RMDN1: variants seen among roughly 807,000 people sequenced by gnomAD.
The protein encoded by RMDN1 is regulator of microtubule dynamics 1, also known as regulator of microtubule dynamics protein 1.
A neutral mutation model predicts 48.9 loss-of-function variants in RMDN1; 48 were observed. The observed-to-expected ratio is 0.98, with a 90% confidence interval of 0.78 to 1.25. RMDN1 has a LOEUF of 1.25. Among genes scored for constraint, RMDN1 ranks in the 50% most tolerant of loss-of-function variants. The probability of loss-of-function intolerance (pLI) is 0.00; values close to 1 mark genes in which losing one functional copy is unlikely to be tolerated. For synonymous variants in RMDN1, 148 were observed against 132.6 expected (o/e 1.12, Z -0.80); for missense variants, 418 against 373.4 (o/e 1.12, Z -0.98).
chr8:86,508,293 T>A (rs1819719730), intron 1 of RMDN1, 199 bp downstream of exon 1: 1 of 531,890 alleles, frequency 1.9e-6, no homozygotes, highest in Admixed American at 4.1e-5. Flanking sequence ...ACTCCTTCTC[T>A]GACAGCCCCA....
At chr8:86,493,107 T>TA (rs1043448599) in intron 2 of RMDN1, among the ~76,000 whole-genome samples, 79 of 151,936 alleles carry the variant, frequency 5.2e-4, no homozygotes, top group East Asian at 1.9e-4. Flanking sequence ...TTTTCCAGGA[T>TA]AAAAAAAAGT....
upstream of RMDN1, chr8:86,508,847 T>G (rs1461457357): frequency 4.8e-6 from 6 of 1,247,878 alleles, no homozygotes; most frequent in African/African-American, 9.3e-5. Context: ...TTTCCGCGCC[T>G]GCGTCCAGGA....
At position 86,479,985 on chromosome 8, in the gene RMDN1, T is replaced by C. The variant is rs567441039; in HGVS notation, c.641+292A>G. 3.3e-4 allele frequency among the ~76,000 whole-genome samples: 51 copies of C among 152,276 alleles called. 1 individual carries two copies. The East Asian group carries it at 9.7e-3, about 29-fold the overall frequency. ...ACCCTCTTGGGGCATTCTACTGTTT[T>C]ACTATAGTTACATTAATCTAATTTC... On this transcript the variant is annotated intron_variant, in intron 6 of 9. Coordinates refer to ENST00000406452, the MANE Select transcript of RMDN1 (RefSeq NM_016033.3).
At chr8:86,503,656 C>A (rs1010913949) in intron 2 of RMDN1, 4 of 497,344 alleles carry the variant, frequency 8.0e-6, no homozygotes, top group Non-Finnish European at 1.6e-5. Context: ...TTGGCTACAA[C>A]ACGGGAGTCA....
upstream of RMDN1, among the ~76,000 whole-genome samples, chr8:86,513,164 C>T (rs1820140130): frequency 6.6e-6 from 1 of 151,908 alleles, no homozygotes; most frequent in African/African-American, 2.4e-5. Flanking sequence ...CATCTGAGGT[C>T]GGGAGTTCAA....
Position 86,474,043 on chromosome 8 carries a change from T to C in RMDN1, c.*265A>G, listed in dbSNP as rs1283879481. On this transcript the variant is annotated 3_prime_UTR_variant, in exon 10 of 10. Coordinates refer to ENST00000406452, the MANE Select transcript of RMDN1 (RefSeq NM_016033.3). The stretch of plus-strand genomic sequence containing the variant: ...TCCCAATGTGATCAATCCTTAGAAA[T>C]CTCATACCATTTTGCATTGCTGGTA... 2 of 1,177,546 alleles carry C rather than the reference T, an allele frequency of 1.7e-6. No homozygotes were observed. Among genetic ancestry groups the C allele is most frequent in the Non-Finnish European group, 2.1e-6 (2 of 950,416 alleles). The allele number at this position is 1,177,546 out of a possible 1,614,324, so 72.9% of individuals were successfully genotyped here. A position where few individuals can be genotyped will look rare whatever the true frequency, so the allele number is the denominator to read the frequency against.
At chr8:86,468,438 A>G (rs1356642826), downstream of RMDN1, 1 of 438,662 alleles carries the variant, frequency 2.3e-6, no homozygotes, top group Non-Finnish European at 4.5e-6. Flanking sequence ...AGAATTAAAA[A>G]AAAAATTCTA....
At chr8:86,505,343 G>A in intron 2 of RMDN1, 1 of 459,972 alleles carries the variant, frequency 2.2e-6, no homozygotes, top group East Asian at 6.9e-5. Context: ...TGACAACTTT[G>A]CCAGTTTTTC....
intron 2 of RMDN1, among the ~76,000 whole-genome samples, chr8:86,499,707 G>A (rs907220581): frequency 6.6e-6 from 1 of 152,020 alleles, no homozygotes; most frequent in Admixed American, 6.6e-5. Flanking sequence ...AATTTGTATG[G>A]AACCAAAAAA....
intron 6 of RMDN1, among the ~76,000 whole-genome samples, chr8:86,479,290 T>A (rs1051007707): frequency 6.6e-6 from 1 of 152,194 alleles, no homozygotes; most frequent in Non-Finnish European, 1.5e-5. Flanking sequence ...GGGTTGATTC[T>A]CTCATTTATT....
chr8:86,507,116 T>C lies in RMDN1; in HGVS notation c.130-4A>G. On this transcript the variant is annotated splice_region_variant and splice_polypyrimidine_tract_variant and intron_variant, in intron 1 of 9. Transcript: ENST00000406452. ...AAGTTCCTGGGTTTCCCATTACCTA[T>C]GGAAACAATTATGTTAAGAGTTACA... 2.6e-6 allele frequency: 4 copies of C among 1,536,056 alleles called. No homozygotes were observed. Among genetic ancestry groups the C allele is most frequent in the Non-Finnish European group, 3.6e-6 (4 of 1,109,422 alleles).
downstream of RMDN1, chr8:86,470,007 A>G (rs542700225): frequency 3.9e-6 from 1 of 255,958 alleles, no homozygotes; most frequent in South Asian, 1.5e-4. Flanking sequence ...TACAACACCC[A>G]CAGCTAGTAC....
rs572277106 is a variant in RMDN1, at chr8:86,505,082, C to T, written c.247+1913G>A. The stretch of plus-strand genomic sequence containing the variant: ...CCAATGTCTAAGTCATGCCTCCTTC[C>T]ACCTCCCTCCCAGCATGGGAAAGCC... On this transcript the variant is annotated intron_variant, in intron 2 of 9. Transcript: ENST00000406452. The T allele has an allele frequency of 6.4e-6, 9 of 1,395,954 alleles. No individual in the cohort carries two copies. In the South Asian group the frequency reaches 7.9e-5, roughly 12 times the overall value. The allele number at this position is 1,395,954 out of a possible 1,614,324, so 86.5% of individuals were successfully genotyped here.
chr8:86,505,048 A>C (rs114364443), intron 2 of RMDN1: 34,622 of 1,436,110 alleles, frequency 0.024, 802 homozygotes, highest in African/African-American at 0.065. Context: ...GCTGCTAAGG[A>C]GACCACCACC....
Position 86,473,401 on chromosome 8 carries a change from CTTCCATTCCA to C in RMDN1, c.*897_*906del. 1.0e-6 allele frequency: 1 copy of C among 985,300 alleles called. No individual in the cohort carries two copies. The highest frequency in any genetic ancestry group is 5.2e-4 in the Middle Eastern group (1 of 1,914). 61.0% of individuals were successfully genotyped at this position (985,300 alleles called of 1,614,324 possible). A position where few individuals can be genotyped will look rare whatever the true frequency, so the allele number is the denominator to read the frequency against. ...CATTTCACTCTTAAGTTTTGTGTTC[CTTCCATTCCA>C]TTAGGGAATAGAACTTTGCATCTGA... On this transcript the variant is annotated 3_prime_UTR_variant, in exon 10 of 10. Coordinates refer to ENST00000406452, the MANE Select transcript of RMDN1 (RefSeq NM_016033.3).
intron 6 of RMDN1, among the ~76,000 whole-genome samples, chr8:86,479,751 G>A (rs1344880646): frequency 6.6e-6 from 1 of 151,650 alleles, no homozygotes; most frequent in Non-Finnish European, 1.5e-5. Context: ...ATTCAGCTCT[G>A]CAGGCTATAC....
At chr8:86,474,690 A>C (rs748159765) in intron 9 of RMDN1, 130 bp downstream of exon 9, 52 of 904,724 alleles carry the variant, frequency 5.7e-5, no homozygotes, top group Non-Finnish European at 9.2e-6. Context: ...ATCAATTTAC[A>C]CTTGAAATGA....
intron 2 of RMDN1, among the ~76,000 whole-genome samples, chr8:86,500,256 G>A (rs1334951403): frequency 6.6e-6 from 1 of 152,062 alleles, no homozygotes; most frequent in Non-Finnish European, 1.5e-5. Flanking sequence ...CCTACTGAAT[G>A]AAAGAAAACA....
chr8:86,483,825 G>GTT (rs35596455), intron 5 of RMDN1, among the ~76,000 whole-genome samples: 104 of 130,122 alleles, frequency 8.0e-4, no homozygotes, highest in African/African-American at 1.9e-3. Flanking sequence ...TTTTGTGGTA[G>GTT]TTTTTTTTTT....
Sources: allele counts gnomAD v4.1 joint callset (sites outside exome capture counted in the v4.1 genomes callset), GRCh38; gene constraint gnomAD v4.1.1; transcripts MANE v1.5; gene names NCBI Gene and HGNC (gene_info 2026-07-23, HGNC 2026-07-21).